SEMA3B: variants seen among roughly 807,000 people sequenced by gnomAD.
The protein encoded by SEMA3B is semaphorin-3B.
SEMA3B carries 71 observed loss-of-function variants against 77.8 expected under a neutral mutation model. The ratio of observed to expected loss-of-function variants is 0.91; its 90% CI spans 0.75 to 1.11. The LOEUF is 1.11. SEMA3B is among the 50% of genes most tolerant of loss of function. SEMA3B has a pLI of 0.00. For synonymous variants in SEMA3B, 470 were observed against 452.9 expected (o/e 1.04, Z -0.48); for missense variants, 968 against 1,056.8 (o/e 0.92, Z 1.17).
In SEMA3B at chr3:50,271,184, G is replaced by A; in HGVS notation, c.544+3G>A. The A allele has an allele frequency of 6.4e-7, 1 of 1,565,740 alleles. No homozygotes were observed. Among genetic ancestry groups the A allele is most frequent in the Non-Finnish European group, 8.7e-7 (1 of 1,155,406 alleles). The stretch of plus-strand genomic sequence containing the variant: ...TCGGGCTGCCTCCGTGCTGGTGGGT[G>A]AGTCCAAGGGCTAAGGCCCCAAGAG... On this transcript the variant is annotated splice_donor_region_variant and intron_variant, in intron 5 of 16. Coordinates refer to ENST00000616701, the MANE Select transcript of SEMA3B (RefSeq NM_001290060.2).
chr3:50,273,491 G>A lies in SEMA3B; in HGVS notation c.811-44G>A, dbSNP rs41291728. ...CCGGCGACCCTGCCCCTACCCCTTT[G>A]CCTGCCCTGGTCTCGCCCTCATCCC... On this transcript the variant is annotated intron_variant, in intron 7 of 16. Coordinates refer to ENST00000616701, the MANE Select transcript of SEMA3B (RefSeq NM_001290060.2). This position sits in a 1 kb window ranked among gnomAD's most constrained non-coding sequence, Gnocchi z 6.5. 38,061 of 1,609,254 alleles carry A rather than the reference G, an allele frequency of 0.024. 580 individuals carry two copies. Among genetic ancestry groups the A allele is most frequent in the Non-Finnish European group, 0.029 (34,088 of 1,176,602 alleles).
Position 50,274,888 on chromosome 3 carries a change from G to A in SEMA3B, c.1403G>A (p.Arg468Lys), listed in dbSNP as rs782174107. 6.2e-7 allele frequency: 1 copy of A among 1,611,258 alleles called. No homozygotes were observed. Among genetic ancestry groups the A allele is most frequent in the East Asian group, 2.2e-5 (1 of 44,872 alleles). Residue 468 changes from arginine to lysine, a missense_variant, in exon 12 of 17, where the codon AGG becomes AAG. By Grantham distance (26) the Arg-to-Lys change is conservative. Coordinates refer to ENST00000616701, the MANE Select transcript of SEMA3B (RefSeq NM_001290060.2). This position sits in a 1 kb window ranked among gnomAD's most constrained non-coding sequence, Gnocchi z 4.7. ...GTGATCTCGGTCCCCAAGGGCAGTA[G>A]GCCCAGCGCAGAGGGGCTGCTCCTG... is the stretch of plus-strand genomic sequence containing the variant. ...LKVISVPKGS[R>K]PSAEGLLLEE...
At position 50,274,533 on chromosome 3, in the gene SEMA3B, C is replaced by A. The variant is rs1553706133; in HGVS notation, c.1308C>A (p.Asp436Glu). 1 of 1,570,260 alleles carries A rather than the reference C, an allele frequency of 6.4e-7. No individual in the cohort carries two copies. The highest frequency in any genetic ancestry group is 1.2e-5 in the South Asian group (1 of 83,520). Residue 436 changes from aspartate to glutamate, a missense_variant, in exon 11 of 17, where the codon GAC (aspartate) becomes GAA (glutamate). Physicochemically the swap from Asp to Glu is conservative, Grantham distance 45. Transcript: ENST00000616701. The surrounding 1 kb of genome is among the most constrained non-coding windows in gnomAD (Gnocchi z 4.7). ...ANYTFTQIAA[D>E]RVAAADGHYD... ...ACACCTTCACTCAAATTGCCGCGGA[C>A]CGGGTTGCAGCCGCTGACGGACACT...
Position 50,270,893 on chromosome 3 carries a change from G to C in SEMA3B, c.334G>C (p.Glu112Gln). 6.2e-7 allele frequency: 1 copy of C among 1,603,134 alleles called. No individual in the cohort carries two copies. The highest frequency in any genetic ancestry group is 1.7e-5 in the Admixed American group (1 of 58,320). Residue 112 changes from glutamate (E) to glutamine (Q), a missense_variant, in exon 4 of 17, where the codon GAG (glutamate) becomes CAG (glutamine). Coordinates refer to ENST00000616701, the MANE Select transcript of SEMA3B (RefSeq NM_001290060.2). The surrounding 1 kb of genome is among the most constrained non-coding windows in gnomAD (Gnocchi z 4.7). ...CNWAGKDIGT[E>Q]CMNFVKLLHA... ...CTCACACCTCCAACCCTACTAGACT[G>C]AGTGCATGAACTTCGTGAAGTTGCT... is the stretch of plus-strand genomic sequence containing the variant.
In SEMA3B at chr3:50,269,312, C is replaced by CTTCG. The variant is rs1700980387; in HGVS notation, c.72_73insTTCG (p.Ala25PhefsTer39). On this transcript the variant is annotated frameshift_variant, in exon 1 of 17. Transcript: ENST00000616701. LOFTEE classifies it high-confidence loss of function. This position sits in a 1 kb window ranked among gnomAD's most constrained non-coding sequence, Gnocchi z 4.0. ...TCTGGGCAGTGGGGCTGGGGAGTGC[C>CTTCG]GCCCCCAGCCCCCCACGCCTTCGGC... is the stretch of plus-strand genomic sequence containing the variant. The CTTCG allele has an allele frequency of 3.9e-6, 6 of 1,528,736 alleles. No individual in the cohort carries two copies. Among genetic ancestry groups the CTTCG allele is most frequent in the Admixed American group, 2.1e-5 (1 of 47,284 alleles). The allele number at this position is 1,528,736 out of a possible 1,614,324, so 94.7% of individuals were successfully genotyped here. A position where few individuals can be genotyped will look rare whatever the true frequency, so the allele number is the denominator to read the frequency against.
rs1349309492 is a variant in SEMA3B at position 50,273,259 on chromosome 3, G to A, written c.665-39G>A. The A allele has an allele frequency of 1.3e-6, 2 of 1,597,692 alleles. No homozygotes were observed. The highest frequency in any genetic ancestry group is 2.7e-5 in the African/African-American group (2 of 74,572). ...GCGTGGGTCTCGCATCAGGAGGCAAGGCCAGGACCCGCTGACCCATGCCTC... is the reference window on the plus strand; with the variant it reads ...GCGTGGGTCTCGCATCAGGAGGCAAAGCCAGGACCCGCTGACCCATGCCTC... On this transcript the variant is annotated intron_variant, in intron 6 of 16. Transcript: ENST00000616701. This position sits in a 1 kb window ranked among gnomAD's most constrained non-coding sequence, Gnocchi z 6.5.
chr3:50,275,083 G>GATGGA lies in SEMA3B; in HGVS notation c.1491+31_1491+35dup. The GATGGA allele has an allele frequency of 6.4e-7, 1 of 1,558,522 alleles. No homozygotes were observed. Among genetic ancestry groups the GATGGA allele is most frequent in the Non-Finnish European group, 8.7e-7 (1 of 1,148,550 alleles). On this transcript the variant is annotated intron_variant, in intron 13 of 16. Transcript: ENST00000616701. The surrounding 1 kb of genome is among the most constrained non-coding windows in gnomAD (Gnocchi z 7.5). ...GTGACCAGGATGGGGGTCGGGGTGGGATGGACTGAGCTTGTGCCTGGCGCG... is the reference window on the plus strand; with the variant it reads ...GTGACCAGGATGGGGGTCGGGGTGGGATGGAATGGACTGAGCTTGTGCCTGGCGCG...
In SEMA3B at chr3:50,275,642, C is replaced by T. The variant is rs1701211036; in HGVS notation, c.1705+27C>T. ...TGAGTGCCCCAGCTGCCCCTACCCT[C>T]AGCCCCAGAAGACGCCCCACCTGCC... is the stretch of plus-strand genomic sequence containing the variant. On this transcript the variant is annotated intron_variant, in intron 15 of 16. Transcript: ENST00000616701. This position sits in a 1 kb window ranked among gnomAD's most constrained non-coding sequence, Gnocchi z 7.5. 1.9e-6 allele frequency: 3 copies of T among 1,613,716 alleles called. No individual in the cohort carries two copies. The highest frequency in any genetic ancestry group is 1.3e-5 in the African/African-American group (1 of 75,076).
rs1162540418 is a variant in SEMA3B at position 50,275,928 on chromosome 3, C to T, written c.1845+84C>T. On this transcript the variant is annotated intron_variant, in intron 16 of 16. Coordinates refer to ENST00000616701, the MANE Select transcript of SEMA3B (RefSeq NM_001290060.2). This position sits in a 1 kb window ranked among gnomAD's most constrained non-coding sequence, Gnocchi z 7.5. ...GGCCCCGCCCTACCCAACGAAGCCCCGTCCAACCAGACCCACTCCCCGCCC... is the reference window on the plus strand; with the variant it reads ...GGCCCCGCCCTACCCAACGAAGCCCTGTCCAACCAGACCCACTCCCCGCCC... The T allele has an allele frequency of 3.1e-5, 46 of 1,466,138 alleles. No homozygotes were observed. Among genetic ancestry groups the T allele is most frequent in the Non-Finnish European group, 4.1e-5 (45 of 1,110,068 alleles). 90.8% of individuals were successfully genotyped at this position (1,466,138 alleles called of 1,614,324 possible).
chr3:50,270,914 T>A lies in SEMA3B; in HGVS notation c.355T>A (p.Leu119Met). 2 of 1,610,200 alleles carry A rather than the reference T, an allele frequency of 1.2e-6. No homozygotes were observed. Among genetic ancestry groups the A allele is most frequent in the East Asian group, 4.5e-5 (2 of 44,790 alleles). Residue 119 changes from leucine to methionine, a missense_variant, in exon 4 of 17, where the codon TTG becomes ATG. Physicochemically the swap from Leu to Met is conservative, Grantham distance 15. Coordinates refer to ENST00000616701, the MANE Select transcript of SEMA3B (RefSeq NM_001290060.2). This position sits in a 1 kb window ranked among gnomAD's most constrained non-coding sequence, Gnocchi z 4.7. ...IGTECMNFVK[L>M]LHAYNRTHLL... The stretch of plus-strand genomic sequence containing the variant: ...GACTGAGTGCATGAACTTCGTGAAG[T>A]TGCTGCATGCCTACAACCGCACCCA...
chr3:50,274,798 C>A lies in SEMA3B; in HGVS notation c.1358-45C>A. On this transcript the variant is annotated intron_variant, in intron 11 of 16. Coordinates refer to ENST00000616701, the MANE Select transcript of SEMA3B (RefSeq NM_001290060.2). This position sits in a 1 kb window ranked among gnomAD's most constrained non-coding sequence, Gnocchi z 4.7. ...AAAGGCGAGGAGACACTAGCCCCAG[C>A]TGTCCGGGAGCACCAATGGTCATTA... 1 of 1,590,024 alleles carries A rather than the reference C, an allele frequency of 6.3e-7. No homozygotes were observed.
At chr3:50,264,042 A>T (rs1283795976), upstream of SEMA3B, among the ~76,000 whole-genome samples, 3 of 152,052 alleles carry the variant, frequency 2.0e-5, no homozygotes, top group Non-Finnish European at 2.9e-5. Flanking sequence ...TACCAAAAAA[A>T]AATAATAATA....
Position 50,270,599 on chromosome 3 carries a change from G to C in SEMA3B, c.330+104G>C. 6.6e-7 allele frequency: 1 copy of C among 1,520,064 alleles called. No individual in the cohort carries two copies. The highest frequency in any genetic ancestry group is 9.0e-7 in the Non-Finnish European group (1 of 1,111,606). 94.2% of individuals were successfully genotyped at this position (1,520,064 alleles called of 1,614,324 possible). ...CCTGCCTGTTCTGGCTGGGATGAGG[G>C]CAGGGAGGTCGAGGTGGCTGAGGTC... On this transcript the variant is annotated intron_variant, in intron 3 of 16. Coordinates refer to ENST00000616701, the MANE Select transcript of SEMA3B (RefSeq NM_001290060.2). This position sits in a 1 kb window ranked among gnomAD's most constrained non-coding sequence, Gnocchi z 4.7.
Position 50,274,161 on chromosome 3 carries a change from T to C in SEMA3B, c.1137+104T>C. On this transcript the variant is annotated intron_variant, in intron 10 of 16. Coordinates refer to ENST00000616701, the MANE Select transcript of SEMA3B (RefSeq NM_001290060.2). The surrounding 1 kb of genome is among the most constrained non-coding windows in gnomAD (Gnocchi z 4.7). ...TGAATGTGGTTTCTTCCTTTAGTTATGGGTGGGAAAACGTTTCCATCATAA... is the reference window on the plus strand; with the variant it reads ...TGAATGTGGTTTCTTCCTTTAGTTACGGGTGGGAAAACGTTTCCATCATAA... 4 of 1,528,564 alleles carry C rather than the reference T, an allele frequency of 2.6e-6. No homozygotes were observed. Among genetic ancestry groups the C allele is most frequent in the South Asian group, 1.2e-5 (1 of 82,932 alleles). The allele number at this position is 1,528,564 out of a possible 1,614,324, so 94.7% of individuals were successfully genotyped here.
At chr3:50,271,315 C>T (rs782656483) in intron 5 of SEMA3B, 46 bp from the exon 6 acceptor site, 8 of 1,552,946 alleles carry the variant, frequency 5.2e-6, no homozygotes, top group Non-Finnish European at 7.0e-6. Flanking sequence ...GCCCTCCTGC[C>T]CCAAGAGCCC....
intron 6 of SEMA3B, among the ~76,000 whole-genome samples, chr3:50,272,855 AAATAATAAT>A (rs55666696): frequency 2.1e-5 from 3 of 145,584 alleles, no homozygotes; most frequent in South Asian, 2.1e-4. Flanking sequence ...ATAAATAAAC[AAATAATAAT>A]AATAATAATA....
In SEMA3B at chr3:50,269,402, TC is replaced by T; in HGVS notation, c.109+57del. 3 of 1,081,672 alleles carry T rather than the reference TC, an allele frequency of 2.8e-6. No individual in the cohort carries two copies. Among genetic ancestry groups the T allele is most frequent in the Non-Finnish European group, 2.6e-6 (2 of 770,448 alleles). The allele number at this position is 1,081,672 out of a possible 1,614,324, so 67.0% of individuals were successfully genotyped here. The stretch of plus-strand genomic sequence containing the variant: ...CCAGCTTGAGGTGGGCAGGAAAGGG[TC>T]CCCGTATGGCCAGGGGGCTCTGTGT... On this transcript the variant is annotated intron_variant, in intron 1 of 16. Transcript: ENST00000616701. This position sits in a 1 kb window ranked among gnomAD's most constrained non-coding sequence, Gnocchi z 4.0.
Position 50,270,416 on chromosome 3 carries a change from C to T in SEMA3B, c.268-17C>T, listed in dbSNP as rs1701015497. The T allele has an allele frequency of 6.2e-7, 1 of 1,613,754 alleles. No homozygotes were observed. Among genetic ancestry groups the T allele is most frequent in the Non-Finnish European group, 8.5e-7 (1 of 1,179,826 alleles). On this transcript the variant is annotated splice_polypyrimidine_tract_variant and intron_variant, in intron 2 of 16. Transcript: ENST00000616701. This position sits in a 1 kb window ranked among gnomAD's most constrained non-coding sequence, Gnocchi z 4.7. ...AAGTTCCTGACCTGTGTCCCCTCTCCCCCAACCTCCCGATAGCTGGCCTGG... is the reference window on the plus strand; with the variant it reads ...AAGTTCCTGACCTGTGTCCCCTCTCTCCCAACCTCCCGATAGCTGGCCTGG...
Position 50,271,985 on chromosome 3 carries a change from G to C in SEMA3B, c.664+505G>C, listed in dbSNP as rs146920089. Among the ~76,000 whole-genome samples, 1,172 of 152,326 alleles carry C rather than the reference G, an allele frequency of 7.7e-3. 8 individuals are homozygous for C. Among genetic ancestry groups the C allele is most frequent in the Non-Finnish European group, 0.012 (832 of 68,034 alleles). On this transcript the variant is annotated intron_variant, in intron 6 of 16. Transcript: ENST00000616701. ...CAGGGGCCAGAGTCATTTATTCTAA[G>C]AGTCATGGGGGCTGGGCACAATGGC...
Sources: gnomAD v4.1 joint callset for allele counts (sites outside exome capture counted in the v4.1 genomes callset) on GRCh38, gnomAD v4.1.1 for gene constraint, Gnocchi (gnomAD v3.1) non-coding constraint, MANE v1.5 for transcripts, NCBI Gene and HGNC (gene_info 2026-07-23, HGNC 2026-07-21) for gene names.